Variants in TRIM44 observed in about 807,000 individuals in gnomAD.
TRIM44 encodes the protein tripartite motif containing 44.
TRIM44 carries 13 observed loss-of-function variants against 37.4 expected under a neutral mutation model. That is an observed-to-expected ratio of 0.35 (90% CI 0.23 to 0.55). The LOEUF (loss-of-function observed/expected upper bound fraction) is 0.55. TRIM44 is among the 20% of genes least tolerant of loss of function. The pLI is 0.89. For synonymous variants in TRIM44, 175 were observed against 157.2 expected, an observed-to-expected ratio of 1.11 and a Z score of -0.85; for missense variants, 426 against 437.2, an observed-to-expected ratio of 0.97 and a Z score of 0.23.
At chr11:35,691,590 G>A (rs990447868) in intron 2 of TRIM44, among the ~76,000 whole-genome samples, 2 of 152,016 alleles carry the variant, frequency 1.3e-5, no homozygotes, top group African/African-American at 4.8e-5. Flanking sequence ...TCTAACCAAA[G>A]CCTATTTCAT....
chr11:35,731,676 G>A (rs1310535361), intron 3 of TRIM44, among the ~76,000 whole-genome samples: 1 of 151,818 alleles, frequency 6.6e-6, no homozygotes, highest in Non-Finnish European at 1.5e-5. Context: ...ATAAAGCTAA[G>A]TATTAAAAAT....
intron 4 of TRIM44, among the ~76,000 whole-genome samples, chr11:35,798,728 G>A (rs1040846171): frequency 1.3e-5 from 2 of 152,152 alleles, no homozygotes; most frequent in Non-Finnish European, 2.9e-5. Context: ...AATCAATCAT[G>A]ATCATAATCT....
rs59413888 is a variant in TRIM44, at chr11:35,725,066, TCACACACACA to T, written c.748-828_748-819del. ...GGTTAACTAGGAGACATGCACACAC[TCACACACACA>T]CACACACACACACACACACACACAC... On this transcript the variant is annotated intron_variant, in intron 2 of 4. Coordinates refer to ENST00000299413, the MANE Select transcript of TRIM44 (RefSeq NM_017583.6). 7.7e-4 allele frequency among the ~76,000 whole-genome samples: 108 copies of T among 141,124 alleles called. 1 individual carries two copies. Among genetic ancestry groups the T allele is most frequent in the African/African-American group, 1.1e-3 (40 of 36,176 alleles). 92.6% of individuals were successfully genotyped at this position (141,124 alleles called of 152,430 possible).
intron 4 of TRIM44, among the ~76,000 whole-genome samples, chr11:35,789,743 C>T (rs1853179231): frequency 6.6e-6 from 1 of 152,156 alleles, no homozygotes; most frequent in African/African-American, 2.4e-5. Context: ...AGGCATATTC[C>T]CCTGGTGCTC....
intron 4 of TRIM44, among the ~76,000 whole-genome samples, chr11:35,796,465 G>A (rs1853291864): frequency 6.6e-6 from 1 of 152,184 alleles, no homozygotes; most frequent in Non-Finnish European, 1.5e-5. Context: ...TCTATGGAAG[G>A]AAACTGCTTG....
chr11:35,778,554 T>G (rs761482122), intron 4 of TRIM44, among the ~76,000 whole-genome samples: 2 of 152,172 alleles, frequency 1.3e-5, no homozygotes, highest in Non-Finnish European at 2.9e-5. Flanking sequence ...TTTTTAGAAT[T>G]TTTCGATTTT....
chr11:35,679,319 T>A (rs1456704578), intron 1 of TRIM44, among the ~76,000 whole-genome samples: 1 of 152,222 alleles, frequency 6.6e-6, no homozygotes, highest in Non-Finnish European at 1.5e-5. Context: ...CTTTTGCTTC[T>A]ACCCTTTACC....
chr11:35,769,575 T>G (rs1169111750), intron 4 of TRIM44, among the ~76,000 whole-genome samples: 1 of 152,248 alleles, frequency 6.6e-6, no homozygotes. Flanking sequence ...AGTACTGATG[T>G]AGTTTATGTA....
Position 35,725,072 on chromosome 11 carries a change from A to T in TRIM44, c.748-852A>T, listed in dbSNP as rs879388907. 6.7e-3 allele frequency among the ~76,000 whole-genome samples: 525 copies of T among 78,916 alleles called. 3 individuals are homozygous for T. Among genetic ancestry groups the T allele is most frequent in the African/African-American group, 0.014 (362 of 26,184 alleles). 51.8% of individuals were successfully genotyped at this position (78,916 alleles called of 152,430 possible). On this transcript the variant is annotated intron_variant, in intron 2 of 4. Coordinates refer to ENST00000299413, the MANE Select transcript of TRIM44 (RefSeq NM_017583.6). ...CTAGGAGACATGCACACACTCACAC[A>T]CACACACACACACACACACACACAC... is the stretch of plus-strand genomic sequence containing the variant.
intron 4 of TRIM44, among the ~76,000 whole-genome samples, chr11:35,793,181 AG>A (rs111820142): frequency 0.64 from 87,850 of 137,190 alleles, 27,104 homozygotes; most frequent in South Asian, 0.75. Context: ...AAAAAAAAAA[AG>A]AAATCTAGCT....
intron 4 of TRIM44, among the ~76,000 whole-genome samples, chr11:35,778,750 G>T (rs952405698): frequency 2.6e-5 from 4 of 152,158 alleles, no homozygotes; most frequent in African/African-American, 9.7e-5. Flanking sequence ...GTTTGCCTGG[G>T]TATCACCAGT....
intron 2 of TRIM44, among the ~76,000 whole-genome samples, chr11:35,706,462 A>T (rs1304281856): frequency 6.6e-6 from 1 of 152,224 alleles, no homozygotes; most frequent in African/African-American, 2.4e-5. Context: ...ACAACCAAAA[A>T]AAAGAATTTT....
intron 2 of TRIM44, among the ~76,000 whole-genome samples, chr11:35,686,080 A>G (rs1438480566): frequency 1.3e-5 from 2 of 151,398 alleles, no homozygotes; most frequent in Admixed American, 1.3e-4. Flanking sequence ...CACTCAGAAT[A>G]CTTTTTTCCT....
At chr11:35,789,017 A>G (rs981501663) in intron 4 of TRIM44, among the ~76,000 whole-genome samples, 4 of 152,132 alleles carry the variant, frequency 2.6e-5, no homozygotes, top group South Asian at 2.1e-4. Flanking sequence ...GAGTATCTTT[A>G]TTGTCTCACA....
intron 3 of TRIM44, among the ~76,000 whole-genome samples, chr11:35,727,311 C>CT (rs1444813141): frequency 1.3e-5 from 2 of 152,116 alleles, no homozygotes; most frequent in South Asian, 2.1e-4. Flanking sequence ...GTCCTGTGGA[C>CT]TTTCTAGGAC....
At position 35,662,953 on chromosome 11, in the gene TRIM44, GCTGCCGCGGCCCCAGGT is replaced by G; in HGVS notation, c.-157_-141del. The G allele has an allele frequency of 7.9e-7, 1 of 1,268,614 alleles. No individual in the cohort carries two copies. The highest frequency in any genetic ancestry group is 1.0e-6 in the Non-Finnish European group (1 of 978,458). The allele number at this position is 1,268,614 out of a possible 1,614,324, so 78.6% of individuals were successfully genotyped here. ...TCTTTGCTGCTGCGCCCGGGCAGGG[GCTGCCGCGGCCCCAGGT>G]CCCGCTTCGAGACGCGGCGCGGTCC... is the stretch of plus-strand genomic sequence containing the variant. On this transcript the variant is annotated 5_prime_UTR_variant, in exon 1 of 5. Transcript: ENST00000299413.
At chr11:35,787,266 G>A (rs560408948) in intron 4 of TRIM44, among the ~76,000 whole-genome samples, 8 of 152,160 alleles carry the variant, frequency 5.3e-5, no homozygotes, top group South Asian at 2.1e-4. Context: ...GTCAGCCAGC[G>A]TGTCTGGAAG....
chr11:35,763,469 A>C (rs140896224), intron 4 of TRIM44, among the ~76,000 whole-genome samples: 1 of 152,306 alleles, frequency 6.6e-6, no homozygotes, highest in East Asian at 1.9e-4. Context: ...CTAGCTTCCA[A>C]AATTAGCTGT....
intron 4 of TRIM44, among the ~76,000 whole-genome samples, chr11:35,755,095 G>A (rs1406392044): frequency 3.3e-5 from 5 of 152,188 alleles, no homozygotes; most frequent in Non-Finnish European, 7.3e-5. Context: ...CTTCCACAGT[G>A]GTTGGACTAG....
Sources: allele counts gnomAD v4.1 joint callset (sites outside exome capture counted in the v4.1 genomes callset), GRCh38; gene constraint gnomAD v4.1.1; transcripts MANE v1.5; gene names NCBI Gene and HGNC (gene_info 2026-07-23, HGNC 2026-07-21).